LONRF1: variants seen among roughly 807,000 people sequenced by gnomAD.
The protein encoded by LONRF1 is LON peptidase N-terminal domain and RING finger protein 1.
A neutral mutation model predicts 85.8 loss-of-function variants in LONRF1; 37 were observed. The ratio of observed to expected loss-of-function variants is 0.43; its 90% confidence interval spans 0.33 to 0.57. The LOEUF is 0.57. Among genes scored for constraint, LONRF1 ranks in the 20% least tolerant of loss-of-function variants. LONRF1 has a pLI of 0.04. For synonymous variants in LONRF1, 517 were observed against 390.1 expected (o/e 1.33, Z -3.83); for missense variants, 1,036 against 978.0 (o/e 1.06, Z -0.79).
At chr8:12,739,865 T>C (rs1226603326) in intron 3 of LONRF1, among the ~76,000 whole-genome samples, 1 of 152,204 alleles carries the variant, frequency 6.6e-6, no homozygotes, top group East Asian at 1.9e-4. Flanking sequence ...CATTTTCTTC[T>C]TAAATCAGTG....
rs747456285 is a variant in LONRF1, at chr8:12,729,206, C to T, written c.1815G>A (p.Gln605=). 6.2e-7 allele frequency: 1 copy of T among 1,613,956 alleles called. No homozygotes were observed. The highest frequency in any genetic ancestry group is 8.5e-7 in the Non-Finnish European group (1 of 1,179,900). The change falls in exon 9 of 12, where the codon CAG becomes CAA. Residue 605 remains glutamine, a synonymous_variant. Coordinates refer to ENST00000398246, the MANE Select transcript of LONRF1 (RefSeq NM_152271.5). ...IRRSIQTGTK[Q]FGMCVSDTQN... Reference sequence around the variant, plus strand: ...GTGTATCACTGACACACATGCCAAACTGTTTGGTTCCAGTCTGTATACTTC... The same window carrying T: ...GTGTATCACTGACACACATGCCAAATTGTTTGGTTCCAGTCTGTATACTTC...
chr8:12,737,145 A>C lies in LONRF1; in HGVS notation c.1114-5T>G. 1 of 1,608,968 alleles carries C rather than the reference A, an allele frequency of 6.2e-7. No homozygotes were observed. The highest frequency in any genetic ancestry group is 8.5e-7 in the Non-Finnish European group (1 of 1,177,794). Reference sequence around the variant, plus strand: ...GACCTCTGGTATTTCTTCACTCTACAAAAATACAATAAACAAAGGTAACTG... The same window carrying C: ...GACCTCTGGTATTTCTTCACTCTACCAAAATACAATAAACAAAGGTAACTG... On this transcript the variant is annotated splice_region_variant and splice_polypyrimidine_tract_variant and intron_variant, in intron 4 of 11. Transcript: ENST00000398246.
In LONRF1 at chr8:12,728,886, C is replaced by G; in HGVS notation, c.2010+15G>C. ...GATATACGAAAGTATGCTGGCAAAG[C>G]ACATTTTAAAATACCTTAACATCTT... On this transcript the variant is annotated intron_variant, in intron 10 of 11. Coordinates refer to ENST00000398246, the MANE Select transcript of LONRF1 (RefSeq NM_152271.5). The G allele has an allele frequency of 6.2e-7, 1 of 1,613,516 alleles. No homozygotes were observed. Among genetic ancestry groups the G allele is most frequent in the Non-Finnish European group, 8.5e-7 (1 of 1,179,604 alleles).
In LONRF1 at chr8:12,731,699, T is replaced by G. The variant is rs545866755; in HGVS notation, c.1688+37A>C. 3 of 1,578,298 alleles carry G rather than the reference T, an allele frequency of 1.9e-6. No individual in the cohort carries two copies. The African/African-American group carries it at 4.1e-5, about 21-fold the overall frequency. ...GAGGTTTTTCCTTACTATTAAAGGG[T>G]AGTAGTTCATAATTTTTTTTATGAG... On this transcript the variant is annotated intron_variant, in intron 8 of 11. Transcript: ENST00000398246.
At chr8:12,725,657 CAA>C in intron 11 of LONRF1, 68 bp downstream of exon 11, 2 of 1,471,678 alleles carry the variant, frequency 1.4e-6, no homozygotes, top group Admixed American at 3.9e-5. Flanking sequence ...AATGAGAAAA[CAA>C]ATGTAGAAGT....
intron 1 of LONRF1, among the ~76,000 whole-genome samples, chr8:12,745,319 TGGAA>T (rs1799103762): frequency 1.2e-5 from 1 of 80,966 alleles, no homozygotes; most frequent in Non-Finnish European, 2.4e-5. Flanking sequence ...ATTATTTTTT[TGGAA>T]AAAAAAAAAA....
rs952328609 is a variant in LONRF1, at chr8:12,741,123, C to G, written c.841-127G>C. On this transcript the variant is annotated intron_variant, in intron 2 of 11. Transcript: ENST00000398246. Reference sequence around the variant, plus strand: ...TCTGGGCCGGGTGCAGTAGCTCACGCCTGTAATCCCAGCACTTTGGGAGGC... The same window carrying G: ...TCTGGGCCGGGTGCAGTAGCTCACGGCTGTAATCCCAGCACTTTGGGAGGC... 7.5e-6 allele frequency: 7 copies of G among 928,514 alleles called. No homozygotes were observed. In the African/African-American group the frequency reaches 1.2e-4, roughly 15 times the overall value. 57.5% of individuals were successfully genotyped at this position (928,514 alleles called of 1,614,324 possible).
rs796252353 is a variant in LONRF1 at position 12,744,425 on chromosome 8, TTG to T, written c.722-1145_722-1144del. On this transcript the variant is annotated intron_variant, in intron 1 of 11. Coordinates refer to ENST00000398246, the MANE Select transcript of LONRF1 (RefSeq NM_152271.5). ...GTTAAAAAAAGACATGTCTAGAATA[TTG>T]TGTCTTGTGCTTCTTAAAGCAATGA... Among the ~76,000 whole-genome samples, 23 of 152,266 alleles carry T rather than the reference TTG, an allele frequency of 1.5e-4. 1 individual carries two copies. In the South Asian group the frequency reaches 3.5e-3, roughly 23 times the overall value.
At chr8:12,749,144 A>C (rs532702605) in intron 1 of LONRF1, among the ~76,000 whole-genome samples, 1 of 152,236 alleles carries the variant, frequency 6.6e-6, no homozygotes, top group East Asian at 1.9e-4. Flanking sequence ...ATAATTGTTG[A>C]TAACATTCCA....
chr8:12,723,794 G>A (rs183037739), intron 11 of LONRF1, among the ~76,000 whole-genome samples: 118 of 152,280 alleles, frequency 7.7e-4, no homozygotes, highest in Admixed American at 2.0e-3. Flanking sequence ...TGTTAATTGA[G>A]ATTTAAAATT....
intron 1 of LONRF1, among the ~76,000 whole-genome samples, chr8:12,750,556 G>C (rs1043686533): frequency 6.6e-6 from 1 of 152,152 alleles, no homozygotes; most frequent in Admixed American, 6.6e-5. Context: ...TACCATGTGG[G>C]TAACTGAAAC....
Position 12,755,441 on chromosome 8 carries a change from GCCGCCGC to G in LONRF1, c.-28_-22del. 4.5e-6 allele frequency: 5 copies of G among 1,107,868 alleles called. No individual in the cohort carries two copies. Among genetic ancestry groups the G allele is most frequent in the Non-Finnish European group, 5.5e-6 (5 of 907,262 alleles). 68.6% of individuals were successfully genotyped at this position (1,107,868 alleles called of 1,614,324 possible). A position where few individuals can be genotyped will look rare whatever the true frequency, so the allele number is the denominator to read the frequency against. On this transcript the variant is annotated 5_prime_UTR_variant, in exon 1 of 12. Transcript: ENST00000398246. The stretch of plus-strand genomic sequence containing the variant: ...GACATGGCCCGCGGAGGGCTGCGCC[GCCGCCGC>G]CCGCCGCCACGGTCCCGGAGCCTCC...
chr8:12,731,454 C>CT (rs1491051241), intron 8 of LONRF1, among the ~76,000 whole-genome samples: 1 of 152,156 alleles, frequency 6.6e-6, no homozygotes, highest in African/African-American at 2.4e-5. Flanking sequence ...CCAGCGCCCC[C>CT]TCTCTATTTC....
chr8:12,741,686 GA>G (rs1202941803), intron 2 of LONRF1, among the ~76,000 whole-genome samples: 13 of 152,234 alleles, frequency 8.5e-5, no homozygotes, highest in African/African-American at 3.1e-4. Flanking sequence ...ATTAAAATGT[GA>G]AAAAAATTTT....
intron 8 of LONRF1, 77 bp downstream of exon 8, chr8:12,731,659 G>C: frequency 8.1e-7 from 1 of 1,234,456 alleles, no homozygotes; most frequent in African/African-American, 1.5e-5. Context: ...CTAAAGACAG[G>C]ATCCAGCTTG....
Position 12,729,316 on chromosome 8 carries a change from G to A in LONRF1, c.1705C>T (p.Pro569Ser). Residue 569 changes from proline to serine, a missense_variant, in exon 9 of 12, where the codon CCA becomes TCA. Pro to Ser is a moderately conservative substitution (Grantham distance 74, BLOSUM62 -1). Transcript: ENST00000398246. The part of the protein sequence containing the change: ...AELSHLTKNV[P>S]IFVCTMAYPT... ...TAGGCCATAGTGCAAACAAATATTGGAACATTCTTGGTCAAGCTAAGGGAA... is the reference window on the plus strand; with the variant it reads ...TAGGCCATAGTGCAAACAAATATTGAAACATTCTTGGTCAAGCTAAGGGAA... 6.2e-7 allele frequency: 1 copy of A among 1,613,430 alleles called. No homozygotes were observed. Among genetic ancestry groups the A allele is most frequent in the Non-Finnish European group, 8.5e-7 (1 of 1,179,714 alleles).
intron 1 of LONRF1, among the ~76,000 whole-genome samples, chr8:12,751,838 A>G (rs1799419975): frequency 6.6e-6 from 1 of 152,200 alleles, no homozygotes; most frequent in Non-Finnish European, 1.5e-5. Flanking sequence ...GGATCATTTC[A>G]GTAGGCTCAA....
intron 1 of LONRF1, chr8:12,754,427 C>A (rs1022439485): frequency 1.3e-5 from 4 of 306,800 alleles, no homozygotes; most frequent in African/African-American, 8.8e-5. Context: ...GCGCGCCCGA[C>A]AGCCAGGCCG....
At chr8:12,742,056 C>T (rs1344050704) in intron 2 of LONRF1, among the ~76,000 whole-genome samples, 1 of 152,144 alleles carries the variant, frequency 6.6e-6, no homozygotes, top group Non-Finnish European at 1.5e-5. Flanking sequence ...TTTTAGCTAC[C>T]ACTTTAATGG....
Sources: allele counts gnomAD v4.1 joint callset (sites outside exome capture counted in the v4.1 genomes callset), GRCh38; gene constraint gnomAD v4.1.1; transcripts MANE v1.5; gene names NCBI Gene and HGNC (gene_info 2026-07-23, HGNC 2026-07-21).